The following CCDC141 variants were observed in gnomAD, a reference collection of about 807,000 sequenced individuals.
CCDC141 encodes coiled-coil domain-containing protein 141.
CCDC141 carries 168 observed loss-of-function variants against 181.0 expected under a neutral mutation model. The ratio of observed to expected loss-of-function variants is 0.93; its 90% CI spans 0.82 to 1.05. The LOEUF is 1.05. Among genes scored for constraint, CCDC141 ranks in the 50% least tolerant of loss-of-function variants. CCDC141 has a pLI of 0.00. For missense variants in CCDC141, 1,902 were observed against 1,788.5 expected (o/e 1.06, Z -1.14); for synonymous variants, 666 against 642.3 (o/e 1.04, Z -0.56).
At chr2:178,855,213 GAAAAAAAATCATGAAAA>G in intron 19 of CCDC141, 117 bp downstream of exon 19, 1 of 695,532 alleles carries the variant, frequency 1.4e-6, no homozygotes. Flanking sequence ...TTATCCTAAG[GAAAAAAAATCATGAAAA>G]GGAGCATGAT....
rs751098130 is a variant in CCDC141, at chr2:178,918,756, G to T, written c.1049C>A (p.Thr350Asn). The change falls in exon 7 of 24, where the codon ACC becomes AAC. Residue 350 changes from threonine to asparagine, a missense_variant. Transcript: ENST00000443758. ...AAATTCATTCGCCTTCTTTAACCAGGTATTCCTTTCCACCATGAGTTGACC... is the reference window on the plus strand; with the variant it reads ...AAATTCATTCGCCTTCTTTAACCAGTTATTCCTTTCCACCATGAGTTGACC... ...EFGQLMVERN[T>N]WLKKANEFFN... The T allele has an allele frequency of 1.3e-6, 2 of 1,550,340 alleles. No homozygotes were observed. Among genetic ancestry groups the T allele is most frequent in the Non-Finnish European group, 1.7e-6 (2 of 1,146,986 alleles).
At chr2:178,987,683 G>C (rs1691821856) in intron 2 of CCDC141, among the ~76,000 whole-genome samples, 1 of 150,088 alleles carries the variant, frequency 6.7e-6, no homozygotes, top group African/African-American at 2.5e-5. Context: ...CTTCTCAAAA[G>C]AAGACATTTA....
At chr2:178,944,702 T>C in intron 5 of CCDC141, 51 bp from the exon 6 acceptor site, 2 of 772,888 alleles carry the variant, frequency 2.6e-6, no homozygotes, top group Non-Finnish European at 2.0e-6. Flanking sequence ...TCAGAATAAG[T>C]GAGTAAAAAT....
chr2:178,852,466 CAAG>C (rs1365275182), intron 20 of CCDC141, among the ~76,000 whole-genome samples: 1 of 152,204 alleles, frequency 6.6e-6, no homozygotes, highest in African/African-American at 2.4e-5. Flanking sequence ...GTAACTCCAG[CAAG>C]AAGATGTCAC....
downstream of CCDC141, among the ~76,000 whole-genome samples, chr2:178,828,284 C>G (rs1340853190): frequency 6.6e-6 from 1 of 152,182 alleles, no homozygotes; most frequent in African/African-American, 2.4e-5. Flanking sequence ...AAAGCTGACA[C>G]TCAGCGTCCT....
intron 11 of CCDC141, among the ~76,000 whole-genome samples, chr2:178,880,700 G>A (rs546071539): frequency 1.9e-4 from 29 of 152,268 alleles, no homozygotes; most frequent in African/African-American, 7.0e-4. Context: ...TTTACAAAAT[G>A]GGGATCATAG....
At chr2:178,975,312 G>T (rs1691073379) in intron 3 of CCDC141, 147 bp from the exon 4 acceptor site, 7 of 519,860 alleles carry the variant, frequency 1.3e-5, no homozygotes, top group Non-Finnish European at 2.4e-5. Context: ...ATGTGTTTGT[G>T]TGTGTTTTGG....
chr2:178,980,748 T>C (rs1294112095), intron 2 of CCDC141, among the ~76,000 whole-genome samples: 1 of 152,228 alleles, frequency 6.6e-6, no homozygotes, highest in Non-Finnish European at 1.5e-5. Flanking sequence ...CAATGTGAAG[T>C]GATATGTCAA....
At chr2:178,885,758 T>C (rs1303922388) in intron 10 of CCDC141, among the ~76,000 whole-genome samples, 1 of 152,160 alleles carries the variant, frequency 6.6e-6, no homozygotes, top group East Asian at 1.9e-4. Context: ...GAAAGAGCCA[T>C]GTAAAATTTC....
intron 5 of CCDC141, among the ~76,000 whole-genome samples, chr2:178,955,163 T>C (rs1360592817): frequency 6.6e-6 from 1 of 152,128 alleles, no homozygotes; most frequent in Non-Finnish European, 1.5e-5. Flanking sequence ...CGTGCATCTG[T>C]AGTCTCAGCC....
At chr2:178,902,450 C>T (rs533247981) in intron 8 of CCDC141, among the ~76,000 whole-genome samples, 127 of 152,152 alleles carry the variant, frequency 8.3e-4, no homozygotes, top group African/African-American at 2.8e-3. Flanking sequence ...GAAATAACAC[C>T]GCATATCTAC....
intron 21 of CCDC141, among the ~76,000 whole-genome samples, chr2:178,849,509 T>C (rs143727710): frequency 3.3e-5 from 5 of 152,348 alleles, no homozygotes; most frequent in Admixed American, 1.3e-4. Context: ...AAGAAACATA[T>C]GTATTTCACT....
chr2:178,962,633 T>TCTTGC (rs1559010462), intron 4 of CCDC141, among the ~76,000 whole-genome samples: 1 of 132,214 alleles, frequency 7.6e-6, no homozygotes, highest in East Asian at 2.8e-4. Flanking sequence ...TTTCCTTCTT[T>TCTTGC]CTTTCCTTTC....
chr2:178,970,154 C>T (rs1048086432), intron 4 of CCDC141, among the ~76,000 whole-genome samples: 2 of 152,202 alleles, frequency 1.3e-5, no homozygotes, highest in Non-Finnish European at 2.9e-5. Context: ...ATCCCATGCT[C>T]ACGGATAGGA....
chr2:178,832,007 A>G lies in CCDC141; in HGVS notation c.*2166T>C, dbSNP rs1684267046. ...TAGAGAAAGCAAACCAGGAATTCCCATGCCCTAACAACCCCAACACACAAA... is the reference window on the plus strand; with the variant it reads ...TAGAGAAAGCAAACCAGGAATTCCCGTGCCCTAACAACCCCAACACACAAA... On this transcript the variant is annotated 3_prime_UTR_variant, in exon 24 of 24. Transcript: ENST00000443758. 1 of 152,182 alleles carries G rather than the reference A, an allele frequency of 6.6e-6. No individual in the cohort carries two copies. The highest frequency in any genetic ancestry group is 2.4e-5 in the African/African-American group (1 of 41,442). The allele number at this position is 152,182 out of a possible 1,614,324, so 9.4% of individuals were successfully genotyped here. A position where few individuals can be genotyped will look rare whatever the true frequency, so the allele number is the denominator to read the frequency against.
At chr2:178,929,289 A>C (rs567712160) in intron 6 of CCDC141, among the ~76,000 whole-genome samples, 5 of 152,162 alleles carry the variant, frequency 3.3e-5, no homozygotes, top group Non-Finnish European at 5.9e-5. Flanking sequence ...ACCTTTGGTG[A>C]AGGAATTTGG....
intron 1 of CCDC141, 39 bp from the exon 2 acceptor site, chr2:179,047,445 T>G: frequency 6.9e-7 from 1 of 1,444,822 alleles, no homozygotes; most frequent in Non-Finnish European, 9.1e-7. Context: ...TTTTAGTTCC[T>G]CTTGTTCCTT....
At chr2:178,944,768 T>C (rs1221492124) in intron 5 of CCDC141, 117 bp from the exon 6 acceptor site, 11 of 469,424 alleles carry the variant, frequency 2.3e-5, no homozygotes, top group Non-Finnish European at 3.4e-5. Context: ...TCTTTTTATA[T>C]AAACCATCTC....
intron 11 of CCDC141, among the ~76,000 whole-genome samples, chr2:178,879,541 A>G (rs1229009720): frequency 6.6e-6 from 1 of 152,170 alleles, no homozygotes. Context: ...GAGCAGTTAA[A>G]ATGCTACTTC....
Sources: allele counts gnomAD v4.1 joint callset (sites outside exome capture counted in the v4.1 genomes callset), GRCh38; gene constraint gnomAD v4.1.1; transcripts MANE v1.5; gene names NCBI Gene and HGNC (gene_info 2026-07-23, HGNC 2026-07-21).